The following UBXN11 variants were observed in gnomAD, a reference collection of about 807,000 sequenced individuals.
UBXN11 encodes the protein UBX domain-containing protein 11.
A neutral mutation model predicts 62.8 loss-of-function variants in UBXN11; 47 were observed. The ratio of observed to expected loss-of-function variants is 0.75; its 90% CI spans 0.59 to 0.95. UBXN11 has a LOEUF of 0.95. Ranked by LOEUF, UBXN11 falls within the 40% of genes least tolerant of loss-of-function variation. The probability of loss-of-function intolerance (pLI) is 0.00; values close to 1 mark genes in which losing one functional copy is unlikely to be tolerated. For missense variants in UBXN11, 638 were observed against 661.7 expected, an observed-to-expected ratio of 0.96 and a Z score of 0.39; for synonymous variants, 294 against 267.0, an observed-to-expected ratio of 1.10 and a Z score of -0.99.
intron 1 of UBXN11, among the ~76,000 whole-genome samples, chr1:26,316,125 A>ATTTT (rs57889417): frequency 2.2e-5 from 2 of 91,460 alleles, no homozygotes; most frequent in African/African-American, 4.1e-5. Context: ...TGCCCGGCTA[A>ATTTT]TTTTTTTTTT....
intron 4 of UBXN11, among the ~76,000 whole-genome samples, chr1:26,300,339 G>T: frequency 6.6e-6 from 1 of 152,224 alleles, no homozygotes; most frequent in East Asian, 1.9e-4. Context: ...ATGCGAAGTT[G>T]CTTGCTCAAG....
At chr1:26,286,236 C>T (rs973330002) in intron 8 of UBXN11, among the ~76,000 whole-genome samples, 199 bp from the exon 9 acceptor site, 15 of 152,320 alleles carry the variant, frequency 9.8e-5, no homozygotes, top group African/African-American at 3.6e-4. Flanking sequence ...GTTTACTATC[C>T]ATATTCCATT....
At chr1:26,318,199 C>A in exon 1 of UBXN11, 1 of 804,520 alleles carries the variant, frequency 1.2e-6, no homozygotes, top group South Asian at 1.5e-5. Flanking sequence ...TGGACTCCAA[C>A]AGGAAAACTG....
chr1:26,285,300 CCCTT>C, intron 10 of UBXN11, 160 bp downstream of exon 10: 1 of 1,445,496 alleles, frequency 6.9e-7, no homozygotes, highest in Non-Finnish European at 9.1e-7. Context: ...CCTCTCCGCT[CCCTT>C]CCCAGCCCGG....
intron 8 of UBXN11, among the ~76,000 whole-genome samples, chr1:26,290,465 C>A (rs980456318): frequency 6.6e-6 from 1 of 152,102 alleles, no homozygotes; most frequent in Non-Finnish European, 1.5e-5. Flanking sequence ...AGTTTGCTGG[C>A]GGAGGTTGGA....
intron 2 of UBXN11, among the ~76,000 whole-genome samples, 160 bp downstream of exon 2, chr1:26,302,653 C>A (rs557836179): frequency 1.9e-4 from 29 of 152,100 alleles, no homozygotes; most frequent in Non-Finnish European, 3.8e-4. Context: ...AAGTTGGGTG[C>A]CCCAGAAGAA....
rs2073022173 is a variant in UBXN11 at position 26,282,505 on chromosome 1, T to C, written c.1357A>G (p.Thr453Ala). The change falls in exon 15 of 15, where the codon ACA becomes GCA. Residue 453 changes from threonine (T) to alanine (A), a missense_variant. Transcript: ENST00000374222. ...TFPPTLYQDDTLTLQAAGLVP... is the reference protein window; with the variant it reads ...TFPPTLYQDDALTLQAAGLVP... ...AGGCCTGCAGCCTGCAGCGTGAGTG[T>C]ATCGTCCTGGTAGAGGGTGGGCGGG... The C allele has an allele frequency of 6.2e-7, 1 of 1,601,934 alleles. No homozygotes were observed. The highest frequency in any genetic ancestry group is 1.1e-5 in the South Asian group (1 of 90,180).
intron 8 of UBXN11, among the ~76,000 whole-genome samples, chr1:26,289,161 G>A (rs1056635605): frequency 2.0e-5 from 3 of 152,148 alleles, no homozygotes; most frequent in African/African-American, 4.8e-5. Context: ...GGGCACTTCC[G>A]AGCTCTGTAA....
At chr1:26,289,467 C>G (rs548008152) in intron 8 of UBXN11, among the ~76,000 whole-genome samples, 1 of 152,082 alleles carries the variant, frequency 6.6e-6, no homozygotes, top group Admixed American at 6.5e-5. Flanking sequence ...TGCTTGTTTG[C>G]CTTCCAGCCA....
intron 2 of UBXN11, 118 bp downstream of exon 2, chr1:26,302,695 G>C: frequency 1.8e-6 from 2 of 1,100,776 alleles, no homozygotes; most frequent in Non-Finnish European, 2.6e-6. Context: ...GTCAGGGAAG[G>C]CTATGTGGCC....
In UBXN11 at chr1:26,284,425, C is replaced by T. The variant is rs745957138; in HGVS notation, c.910G>A (p.Glu304Lys). 13 of 1,613,842 alleles carry T rather than the reference C, an allele frequency of 8.1e-6. No individual in the cohort carries two copies. The South Asian group carries it at 1.2e-4, about 15-fold the overall frequency. ...LEDGLDPFPG[E>K]GRVVGRQLMH... The stretch of plus-strand genomic sequence containing the variant: ...AGCTGCCTGCCCACCACACGGCCCT[C>T]GCCTGGGAAGGGGTCCAGTCCATCC... Residue 304 changes from glutamate to lysine, a missense_variant, in exon 11 of 15, where the codon GAG (glutamate) becomes AAG (lysine). Transcript: ENST00000374222.
At chr1:26,295,365 C>A (rs923540700) in intron 7 of UBXN11, among the ~76,000 whole-genome samples, 1 of 152,138 alleles carries the variant, frequency 6.6e-6, no homozygotes, top group African/African-American at 2.4e-5. Flanking sequence ...GCGCCTGCTT[C>A]CCCCGTCCTC....
At chr1:26,290,846 T>TG (rs1020987708) in intron 8 of UBXN11, among the ~76,000 whole-genome samples, 1 of 85,702 alleles carries the variant, frequency 1.2e-5, no homozygotes, top group Non-Finnish European at 2.2e-5. Context: ...ATGCAGAGGG[T>TG]GGGGGGGAAG....
intron 7 of UBXN11, 117 bp from the exon 8 acceptor site, chr1:26,294,448 C>T (rs1158380097): frequency 1.4e-5 from 20 of 1,443,242 alleles, no homozygotes; most frequent in South Asian, 2.7e-5. Context: ...CCAGAGCTGA[C>T]CAGACAAAGG....
intron 3 of UBXN11, 84 bp from the exon 4 acceptor site, chr1:26,301,108 G>A (rs988930996): frequency 4.0e-5 from 64 of 1,605,624 alleles, no homozygotes; most frequent in Middle Eastern, 3.3e-4. Context: ...AGTGTGACGC[G>A]GCCTATGCAC....
intron 5 of UBXN11, among the ~76,000 whole-genome samples, 199 bp from the exon 6 acceptor site, chr1:26,297,680 G>T (rs1000862672): frequency 2.0e-4 from 31 of 152,200 alleles, no homozygotes; most frequent in Admixed American, 1.8e-3. Flanking sequence ...CCACACCTGA[G>T]GACCCCCACA....
chr1:26,284,635 G>A lies in UBXN11; in HGVS notation c.853-153C>T, dbSNP rs998202686. 9.3e-6 allele frequency: 13 copies of A among 1,393,676 alleles called. No homozygotes were observed. The Admixed American group carries it at 1.0e-4, about 11-fold the overall frequency. The allele number at this position is 1,393,676 out of a possible 1,614,324, so 86.3% of individuals were successfully genotyped here. ...GAAACCCAGGCCTCAGGAGAGCCACGGTTCGTACTGCTGTCATCTCCCTCA... is the reference window on the plus strand; with the variant it reads ...GAAACCCAGGCCTCAGGAGAGCCACAGTTCGTACTGCTGTCATCTCCCTCA... On this transcript the variant is annotated intron_variant, in intron 10 of 14. Transcript: ENST00000374222.
At position 26,298,071 on chromosome 1, in the gene UBXN11, C is replaced by T. The variant is rs2073438615; in HGVS notation, c.200-9G>A. The stretch of plus-strand genomic sequence containing the variant: ...GTCATGGGATGCAGGGACTGCCAAG[C>T]ACACAAAGTCTTTAGAGCCCAGACC... On this transcript the variant is annotated splice_polypyrimidine_tract_variant and intron_variant, in intron 4 of 14. Coordinates refer to ENST00000374222, the MANE Select transcript of UBXN11 (RefSeq NM_001389556.1). The T allele has an allele frequency of 3.1e-6, 5 of 1,611,406 alleles. No homozygotes were observed. The highest frequency in any genetic ancestry group is 4.2e-6 in the Non-Finnish European group (5 of 1,179,438).
chr1:26,284,063 G>A (rs1372152601), intron 12 of UBXN11, 79 bp downstream of exon 12: 14 of 1,400,810 alleles, frequency 1.0e-5, no homozygotes, highest in Middle Eastern at 1.8e-4. Context: ...CTTCTGACAA[G>A]ACACTGTTCT....
Sources: gnomAD v4.1 joint callset for allele counts (sites outside exome capture counted in the v4.1 genomes callset) on GRCh38, gnomAD v4.1.1 for gene constraint, MANE v1.5 for transcripts, NCBI Gene and HGNC (gene_info 2026-07-23, HGNC 2026-07-21) for gene names.